ZDHHC14: variants seen among roughly 807,000 people sequenced by gnomAD.
The protein encoded by ZDHHC14 is zDHHC palmitoyltransferase 14.
A neutral mutation model predicts 47.7 loss-of-function variants in ZDHHC14; 16 were observed. The ratio of observed to expected loss-of-function variants is 0.34; its 90% CI spans 0.23 to 0.51. The LOEUF is 0.51. Ranked by LOEUF, ZDHHC14 falls within the 20% of genes least tolerant of loss-of-function variation. The pLI is 0.97. For missense variants in ZDHHC14, 515 were observed against 662.5 expected (o/e 0.78, Z 2.44); for synonymous variants, 293 against 278.9 (o/e 1.05, Z -0.50).
At chr6:157,391,331 C>T (rs1051258146) in intron 1 of ZDHHC14, among the ~76,000 whole-genome samples, 1 of 152,124 alleles carries the variant, frequency 6.6e-6, no homozygotes, top group Non-Finnish European at 1.5e-5. Context: ...GCTGCTGTGC[C>T]CCAGCTTTTG....
chr6:157,641,189 A>C (rs1725807011), intron 5 of ZDHHC14, among the ~76,000 whole-genome samples: 1 of 152,202 alleles, frequency 6.6e-6, no homozygotes, highest in South Asian at 2.1e-4. Flanking sequence ...CTGTTCAAGA[A>C]ATGAAGTAGT....
chr6:157,589,585 T>A (rs1783828092), intron 2 of ZDHHC14, among the ~76,000 whole-genome samples: 1 of 152,158 alleles, frequency 6.6e-6, no homozygotes, highest in South Asian at 2.1e-4. Flanking sequence ...TCCTTCCTGC[T>A]GCCATGTGAA....
intron 3 of ZDHHC14, 35 bp downstream of exon 3, chr6:157,593,181 C>T (rs753386591): frequency 2.3e-5 from 36 of 1,582,016 alleles, no homozygotes; most frequent in African/African-American, 4.1e-5. Flanking sequence ...GGCGGGAGCC[C>T]GGGTCCTCCG....
At chr6:157,544,650 AAACAACAAC>A (rs539123195) in intron 2 of ZDHHC14, among the ~76,000 whole-genome samples, 5 of 121,478 alleles carry the variant, frequency 4.1e-5, no homozygotes, top group Non-Finnish European at 6.6e-5. Flanking sequence ...ACTCTGTGTC[AAACAACAAC>A]AACAACAACA....
intron 2 of ZDHHC14, among the ~76,000 whole-genome samples, chr6:157,549,900 T>G (rs1396064361): frequency 6.6e-6 from 1 of 152,252 alleles, no homozygotes; most frequent in Non-Finnish European, 1.5e-5. Flanking sequence ...GAAGCCATTG[T>G]CTGATGCAAA....
At chr6:157,609,999 G>A (rs1348279794) in intron 3 of ZDHHC14, among the ~76,000 whole-genome samples, 1 of 152,198 alleles carries the variant, frequency 6.6e-6, no homozygotes, top group Non-Finnish European at 1.5e-5. Context: ...ACTTTGTGGG[G>A]TGAATCATTG....
At chr6:157,592,638 G>T (rs375436525) in intron 2 of ZDHHC14, 6 of 643,770 alleles carry the variant, frequency 9.3e-6, no homozygotes, top group Non-Finnish European at 2.0e-6. Context: ...CGACTCCCCA[G>T]CTGTGTCTCC....
chr6:157,586,158 C>G lies in ZDHHC14; in HGVS notation c.407-6830C>G, dbSNP rs1237119379. On this transcript the variant is annotated intron_variant, in intron 2 of 8. Transcript: ENST00000359775. This position sits in a 1 kb window ranked among gnomAD's most constrained non-coding sequence, Gnocchi z 4.6. The stretch of plus-strand genomic sequence containing the variant: ...TAAACACCACCAGCAGAGAAGAAGT[C>G]TGAGTTCCTGCTGTGTCCCCAGCTC... 6.6e-6 allele frequency among the ~76,000 whole-genome samples: 1 copy of G among 152,182 alleles called. No individual in the cohort carries two copies. Among genetic ancestry groups the G allele is most frequent in the Non-Finnish European group, 1.5e-5 (1 of 68,038 alleles).
intron 1 of ZDHHC14, among the ~76,000 whole-genome samples, chr6:157,420,337 G>A (rs1167042789): frequency 6.6e-5 from 10 of 151,150 alleles, no homozygotes; most frequent in African/African-American, 1.9e-4. Context: ...CATTGAAGGG[G>A]TGGGCTGAGT....
chr6:157,498,278 A>AG (rs1417360252), intron 1 of ZDHHC14, among the ~76,000 whole-genome samples: 1 of 151,816 alleles, frequency 6.6e-6, no homozygotes, highest in Non-Finnish European at 1.5e-5. Flanking sequence ...CTCAAAAAAA[A>AG]AAAAAAATTC....
At chr6:157,667,461 CAAA>C (rs553105866) in intron 8 of ZDHHC14, among the ~76,000 whole-genome samples, 60 of 151,206 alleles carry the variant, frequency 4.0e-4, no homozygotes, top group African/African-American at 1.3e-3. Flanking sequence ...AAGGAAGAAA[CAAA>C]GAAGAAAAAG....
At chr6:157,648,925 G>A (rs537890934) in intron 7 of ZDHHC14, among the ~76,000 whole-genome samples, 1 of 152,338 alleles carries the variant, frequency 6.6e-6, no homozygotes, top group South Asian at 2.1e-4. Flanking sequence ...GTCTAAGAGA[G>A]GATGCCGAGG....
chr6:157,583,481 C>G (rs34205325), intron 2 of ZDHHC14, among the ~76,000 whole-genome samples: 99,473 of 151,878 alleles, frequency 0.65, 33,882 homozygotes, highest in African/African-American at 0.85. Flanking sequence ...GAGTATATTA[C>G]CAAAGGTGTT....
At position 157,628,509 on chromosome 6, in the gene ZDHHC14, A is replaced by G. The variant is rs1326127562; in HGVS notation, c.703+23A>G. The G allele has an allele frequency of 4.4e-6, 7 of 1,602,268 alleles. No individual in the cohort carries two copies. In the African/African-American group the frequency reaches 8.1e-5, roughly 19 times the overall value. On this transcript the variant is annotated intron_variant, in intron 4 of 8. Coordinates refer to ENST00000359775, the MANE Select transcript of ZDHHC14 (RefSeq NM_024630.3). ...TTCGTAAGTATGCTGGCGAAATCAG[A>G]TTACGTATGTAACCATTTGCCTGAC...
chr6:157,476,021 C>T (rs980907325), intron 1 of ZDHHC14, among the ~76,000 whole-genome samples: 2 of 151,842 alleles, frequency 1.3e-5, no homozygotes, highest in African/African-American at 2.4e-5. Context: ...CCCAAATAAA[C>T]AACTTAACAT....
chr6:157,548,763 C>T (rs112468538), intron 2 of ZDHHC14, among the ~76,000 whole-genome samples: 3 of 152,182 alleles, frequency 2.0e-5, no homozygotes, highest in Non-Finnish European at 4.4e-5. Flanking sequence ...TGTTCTTGAC[C>T]GTCACTGTGA....
intron 2 of ZDHHC14, among the ~76,000 whole-genome samples, chr6:157,561,161 C>T (rs751104861): frequency 5.9e-5 from 9 of 152,188 alleles, no homozygotes; most frequent in Non-Finnish European, 1.3e-4. Context: ...AGTGTGGCTT[C>T]TTGCAACTAC....
At chr6:157,633,385 A>G (rs1236167684) in intron 5 of ZDHHC14, among the ~76,000 whole-genome samples, 1 of 151,662 alleles carries the variant, frequency 6.6e-6, no homozygotes, top group Non-Finnish European at 1.5e-5. Flanking sequence ...TAGATTAAAA[A>G]TGGTCAGTCT....
At chr6:157,460,834 A>C (rs1178533534) in intron 1 of ZDHHC14, among the ~76,000 whole-genome samples, 1 of 152,180 alleles carries the variant, frequency 6.6e-6, no homozygotes, top group Non-Finnish European at 1.5e-5. Flanking sequence ...TTCCCTGAAG[A>C]TGCAGGGGTG....
Sources: allele counts gnomAD v4.1 joint callset (sites outside exome capture counted in the v4.1 genomes callset), GRCh38; gene constraint gnomAD v4.1.1; non-coding constraint Gnocchi (gnomAD v3.1); transcripts MANE v1.5; gene names NCBI Gene and HGNC (gene_info 2026-07-23, HGNC 2026-07-21).